Variants in TRAPPC12 observed in about 807,000 individuals in gnomAD.
TRAPPC12 encodes trafficking protein particle complex subunit 12, also known as TPR repeat protein 15.
In TRAPPC12, 61 loss-of-function variants were observed where a neutral mutation model predicts 69.2. The observed-to-expected ratio is 0.88, with a 90% CI of 0.72 to 1.09. The LOEUF (loss-of-function observed/expected upper bound fraction) is 1.09. TRAPPC12 is among the 50% of genes least tolerant of loss of function. The probability of loss-of-function intolerance (pLI) is 0.00; values close to 1 mark genes in which losing one functional copy is unlikely to be tolerated. For missense variants in TRAPPC12, 1,101 were observed against 1,016.4 expected (o/e 1.08, Z -1.13); for synonymous variants, 469 against 438.9 (o/e 1.07, Z -0.86).
At chr2:3,419,984 A>G (rs1662684328) in intron 3 of TRAPPC12, among the ~76,000 whole-genome samples, 1 of 152,228 alleles carries the variant, frequency 6.6e-6, no homozygotes, top group African/African-American at 2.4e-5. Context: ...TCTTAGGTAC[A>G]ACCCAGCAAT....
intron 9 of TRAPPC12, among the ~76,000 whole-genome samples, chr2:3,476,554 C>A (rs1666297659): frequency 6.6e-6 from 1 of 152,244 alleles, no homozygotes; most frequent in African/African-American, 2.4e-5. Context: ...CAAGGCTGTC[C>A]TCTAAACAGG....
intron 1 of TRAPPC12, among the ~76,000 whole-genome samples, chr2:3,385,695 A>T (rs895827767): frequency 1.3e-5 from 2 of 152,254 alleles, no homozygotes; most frequent in African/African-American, 4.8e-5. Context: ...CTGAGGGTAG[A>T]TGAGACGGAG....
At chr2:3,442,993 T>C (rs1159404919) in intron 5 of TRAPPC12, among the ~76,000 whole-genome samples, 3 of 152,266 alleles carry the variant, frequency 2.0e-5, no homozygotes, top group Admixed American at 2.0e-4. Flanking sequence ...GATTGTTATC[T>C]ACTTAGTATA....
In TRAPPC12 at chr2:3,424,639, C is replaced by T; in HGVS notation, c.1393C>T (p.Pro465Ser). The T allele has an allele frequency of 6.2e-7, 1 of 1,613,094 alleles. No homozygotes were observed. Among genetic ancestry groups the T allele is most frequent in the South Asian group, 1.1e-5 (1 of 90,868 alleles). The change falls in exon 5 of 12, where the codon CCG (proline) becomes TCG (serine). Residue 465 changes from proline to serine, a missense_variant. Pro to Ser is a moderately conservative substitution (Grantham distance 74, BLOSUM62 -1). Transcript: ENST00000324266. ...GCCAGATCTTTATTACGAGTACTACCCGCACGTGTACCCTGGGCGCAGGGG... is the reference window on the plus strand; with the variant it reads ...GCCAGATCTTTATTACGAGTACTACTCGCACGTGTACCCTGGGCGCAGGGG... ...DQPDLYYEYY[P>S]HVYPGRRGSM...
intron 8 of TRAPPC12, among the ~76,000 whole-genome samples, chr2:3,464,804 A>G (rs1311120987): frequency 6.6e-6 from 1 of 152,256 alleles, no homozygotes; most frequent in East Asian, 1.9e-4. Flanking sequence ...CTCAGCGTCC[A>G]GCAAGTGGCT....
At chr2:3,430,774 G>A (rs1489942965) in intron 5 of TRAPPC12, among the ~76,000 whole-genome samples, 1 of 152,230 alleles carries the variant, frequency 6.6e-6, no homozygotes, top group Non-Finnish European at 1.5e-5. Context: ...TCATGCCTAT[G>A]TCATTGCCAA....
intron 6 of TRAPPC12, among the ~76,000 whole-genome samples, chr2:3,452,832 G>A (rs1346591218): frequency 3.3e-5 from 5 of 152,214 alleles, no homozygotes; most frequent in East Asian, 3.8e-4. Flanking sequence ...GGGAAAATCC[G>A]AGGCAGTGGA....
intron 5 of TRAPPC12, among the ~76,000 whole-genome samples, chr2:3,432,639 A>G (rs534407772): frequency 8.5e-5 from 13 of 152,322 alleles, no homozygotes; most frequent in African/African-American, 3.1e-4. Flanking sequence ...ATGGTTGGAC[A>G]TGTGATCGCT....
At chr2:3,390,165 G>C (rs2103437310) in intron 2 of TRAPPC12, among the ~76,000 whole-genome samples, 1 of 152,254 alleles carries the variant, frequency 6.6e-6, no homozygotes, top group South Asian at 2.1e-4. Flanking sequence ...GTTTCACCGG[G>C]GACCGCCCCT....
intron 5 of TRAPPC12, among the ~76,000 whole-genome samples, chr2:3,427,282 G>A (rs538461317): frequency 2.6e-5 from 4 of 152,288 alleles, no homozygotes; most frequent in South Asian, 4.1e-4. Context: ...CCCGGGAGGG[G>A]GCTGGACCCA....
chr2:3,438,932 C>CT (rs973936951), intron 5 of TRAPPC12, among the ~76,000 whole-genome samples: 1 of 151,906 alleles, frequency 6.6e-6, no homozygotes, highest in Admixed American at 6.6e-5. Context: ...GTTTTATCAC[C>CT]TTTATCAGTT....
At chr2:3,416,695 CTGCGCTCCCCCTGCCCCTTCACTG>C (rs1662430654) in intron 3 of TRAPPC12, among the ~76,000 whole-genome samples, 1 of 4,878 alleles carries the variant, frequency 2.1e-4, no homozygotes, top group Non-Finnish European at 3.2e-4. Flanking sequence ...TGCCCCATCA[CTGCGCTCCCCCTGCCCCTTCACTG>C]TGCCCTCCCC....
At chr2:3,407,658 C>CGGGGGG (rs1442986811) in intron 3 of TRAPPC12, among the ~76,000 whole-genome samples, 1 of 151,774 alleles carries the variant, frequency 6.6e-6, no homozygotes, top group Non-Finnish European at 1.5e-5. Flanking sequence ...AAAAATTAGC[C>CGGGGGG]GGGCGTGGTG....
intron 1 of TRAPPC12, among the ~76,000 whole-genome samples, chr2:3,381,510 T>G (rs1157174269): frequency 6.6e-6 from 1 of 152,246 alleles, no homozygotes; most frequent in East Asian, 1.9e-4. Context: ...TTTGCTGCAC[T>G]GTGATGTAAA....
intron 5 of TRAPPC12, among the ~76,000 whole-genome samples, chr2:3,440,556 C>G (rs1235814867): frequency 6.6e-6 from 1 of 151,748 alleles, no homozygotes; most frequent in Non-Finnish European, 1.5e-5. Flanking sequence ...TTAATCACTT[C>G]CTAGTTTAGA....
At chr2:3,444,861 A>G (rs368956612) in intron 6 of TRAPPC12, among the ~76,000 whole-genome samples, 2 of 152,228 alleles carry the variant, frequency 1.3e-5, no homozygotes, top group African/African-American at 4.8e-5. Context: ...TTTTATTACC[A>G]TAACTTAAAA....
intron 7 of TRAPPC12, among the ~76,000 whole-genome samples, chr2:3,459,107 C>T (rs768844870): frequency 6.6e-6 from 1 of 152,192 alleles, no homozygotes; most frequent in African/African-American, 2.4e-5. Context: ...TCACAGTGGA[C>T]GCTTGGTGCC....
At chr2:3,446,355 C>T (rs1434738570) in intron 6 of TRAPPC12, among the ~76,000 whole-genome samples, 4 of 152,142 alleles carry the variant, frequency 2.6e-5, no homozygotes, top group Non-Finnish European at 4.4e-5. Context: ...GGATTTTCAC[C>T]GTTAATTTCA....
At chr2:3,396,253 C>G (rs1461057964) in intron 2 of TRAPPC12, among the ~76,000 whole-genome samples, 1 of 137,562 alleles carries the variant, frequency 7.3e-6, no homozygotes, top group Admixed American at 7.2e-5. Context: ...TTTTTTTTTT[C>G]TTTTTAGACC....
Sources: gnomAD v4.1 joint callset for allele counts (sites outside exome capture counted in the v4.1 genomes callset) on GRCh38, gnomAD v4.1.1 for gene constraint, MANE v1.5 for transcripts, NCBI Gene and HGNC (gene_info 2026-07-23, HGNC 2026-07-21) for gene names.